MAP3K7: variants seen among roughly 807,000 people sequenced by gnomAD.
MAP3K7 encodes TGF-beta activated kinase 1.
Under a neutral mutation model 84.8 loss-of-function variants are expected in MAP3K7, and 21 were observed. The observed-to-expected ratio is 0.25, with a 90% CI of 0.18 to 0.36. MAP3K7 has a LOEUF of 0.36. Among genes scored for constraint, MAP3K7 ranks in the 10% least tolerant of loss-of-function variants. The probability of loss-of-function intolerance (pLI) is 1.00; values close to 1 mark genes in which losing one functional copy is unlikely to be tolerated. For missense variants in MAP3K7, 503 were observed against 747.7 expected, an observed-to-expected ratio of 0.67 and a Z score of 3.82; for synonymous variants, 241 against 247.7, an observed-to-expected ratio of 0.97 and a Z score of 0.25.
intron 1 of MAP3K7, among the ~76,000 whole-genome samples, chr6:90,582,795 T>C (rs967594206): frequency 2.0e-5 from 3 of 152,158 alleles, no homozygotes; most frequent in African/African-American, 4.8e-5. Flanking sequence ...TTGTGGTCTA[T>C]AGTTAACTGT....
chr6:90,530,114 C>T (rs1399809510), intron 13 of MAP3K7, among the ~76,000 whole-genome samples: 2 of 152,156 alleles, frequency 1.3e-5, no homozygotes, highest in Non-Finnish European at 2.9e-5. Context: ...AAAGCAAGTA[C>T]ACAAATATGC....
intron 13 of MAP3K7, among the ~76,000 whole-genome samples, chr6:90,532,039 A>C (rs976075937): frequency 6.6e-6 from 1 of 152,178 alleles, no homozygotes; most frequent in Non-Finnish European, 1.5e-5. Flanking sequence ...AAACTATTAC[A>C]TAAGTTTCTG....
chr6:90,562,804 C>G (rs1266211987), intron 3 of MAP3K7, among the ~76,000 whole-genome samples: 2 of 152,178 alleles, frequency 1.3e-5, no homozygotes, highest in African/African-American at 2.4e-5. Context: ...CCTGAGTAGC[C>G]TAACTGGGAG....
chr6:90,542,241 A>G (rs1345135167), intron 12 of MAP3K7: 1 of 984,018 alleles, frequency 1.0e-6, no homozygotes, highest in Non-Finnish European at 1.2e-6. Context: ...TTTAATTTAA[A>G]AACATTACCT....
At chr6:90,585,944 G>C (rs1479896457) in intron 1 of MAP3K7, among the ~76,000 whole-genome samples, 1 of 152,204 alleles carries the variant, frequency 6.6e-6, no homozygotes, top group African/African-American at 2.4e-5. Flanking sequence ...CGGAGAAATT[G>C]AGAACCATTC....
chr6:90,579,194 G>A (rs962707935), intron 1 of MAP3K7, among the ~76,000 whole-genome samples: 2 of 152,158 alleles, frequency 1.3e-5, no homozygotes, highest in African/African-American at 4.8e-5. Flanking sequence ...CTTTTCAAAA[G>A]ATTATATTCG....
chr6:90,559,927 G>A (rs1368385875), intron 5 of MAP3K7, 149 bp downstream of exon 5: 4 of 740,410 alleles, frequency 5.4e-6, no homozygotes, highest in African/African-American at 1.8e-5. Context: ...AATGATGAAG[G>A]TGAGTTAAAA....
chr6:90,518,099 T>A (rs1195072462), intron 16 of MAP3K7, among the ~76,000 whole-genome samples: 2 of 151,832 alleles, frequency 1.3e-5, no homozygotes, highest in African/African-American at 4.8e-5. Flanking sequence ...GGAAAAAATG[T>A]ATCTACAAAA....
intron 5 of MAP3K7, 27 bp downstream of exon 5, chr6:90,560,049 G>A (rs766951747): frequency 1.2e-6 from 2 of 1,613,970 alleles, no homozygotes; most frequent in East Asian, 2.2e-5. Context: ...GGAAGAGGCT[G>A]AGGGGTGTCA....
In MAP3K7 at chr6:90,516,925, GTAAAA is replaced by G. The variant is rs1774984109; in HGVS notation, c.1641-249_1641-245del. On this transcript the variant is annotated intron_variant, in intron 16 of 16. Coordinates refer to ENST00000369329, the MANE Select transcript of MAP3K7 (RefSeq NM_145331.3). ...GATAATTAGCGAAGCAGATAAAATG[GTAAAA>G]TAAAAGTTTCAGAAAATTTCATTTT... Among the ~76,000 whole-genome samples, 3 of 151,846 alleles carry G rather than the reference GTAAAA, an allele frequency of 2.0e-5. No individual in the cohort carries two copies. The South Asian group carries it at 6.2e-4, about 31-fold the overall frequency.
At chr6:90,575,467 A>G (rs1213925749) in intron 1 of MAP3K7, among the ~76,000 whole-genome samples, 3 of 152,146 alleles carry the variant, frequency 2.0e-5, no homozygotes, top group African/African-American at 7.2e-5. Context: ...AGAAGCTTCA[A>G]AGGAGTAAGG....
chr6:90,550,059 T>C (rs1177442718), intron 9 of MAP3K7, among the ~76,000 whole-genome samples: 1 of 152,148 alleles, frequency 6.6e-6, no homozygotes, highest in African/African-American at 2.4e-5. Flanking sequence ...ACTTTTAACA[T>C]AGCTTCTTAA....
chr6:90,586,087 G>C (rs1375065377), intron 1 of MAP3K7, among the ~76,000 whole-genome samples: 1 of 152,140 alleles, frequency 6.6e-6, no homozygotes, highest in Non-Finnish European at 1.5e-5. Flanking sequence ...AGAACATTAC[G>C]TCCGGCCGGG....
intron 15 of MAP3K7, 46 bp from the exon 16 acceptor site, chr6:90,518,608 A>C (rs370058612): frequency 1.7e-5 from 16 of 953,860 alleles, no homozygotes; most frequent in Non-Finnish European, 2.7e-5. Flanking sequence ...TCAAATTTCA[A>C]TATCTAGCTA....
intron 13 of MAP3K7, among the ~76,000 whole-genome samples, chr6:90,528,261 T>A (rs923288445): frequency 6.6e-6 from 1 of 151,954 alleles, no homozygotes; most frequent in Non-Finnish European, 1.5e-5. Context: ...GAACATGGAG[T>A]TATAGAAAAT....
chr6:90,557,234 G>T (rs1246051821), intron 5 of MAP3K7, among the ~76,000 whole-genome samples: 1 of 152,110 alleles, frequency 6.6e-6, no homozygotes, highest in Non-Finnish European at 1.5e-5. Context: ...TTTCCTAGGT[G>T]TACTATTACC....
chr6:90,520,419 G>C (rs975324197), intron 14 of MAP3K7, among the ~76,000 whole-genome samples: 2 of 151,608 alleles, frequency 1.3e-5, no homozygotes, highest in Non-Finnish European at 2.9e-5. Context: ...TAAAGCCACT[G>C]AGAACGTGCT....
rs1774921930 is a variant in MAP3K7 at position 90,515,253 on chromosome 6, G to A, written c.*1248C>T. The A allele has an allele frequency of 6.6e-6, 1 of 151,894 alleles. No individual in the cohort carries two copies. Among genetic ancestry groups the A allele is most frequent in the Admixed American group, 6.6e-5 (1 of 15,218 alleles). The allele number at this position is 151,894 out of a possible 1,614,324, so 9.4% of individuals were successfully genotyped here. A position where few individuals can be genotyped will look rare whatever the true frequency, so the allele number is the denominator to read the frequency against. ...AGACATCTTGTACTGGTATCAAAAT[G>A]TGACTTATTTTAACACCAACTGAAA... On this transcript the variant is annotated 3_prime_UTR_variant, in exon 17 of 17. Coordinates refer to ENST00000369329, the MANE Select transcript of MAP3K7 (RefSeq NM_145331.3).
rs781293668 is a variant in MAP3K7, at chr6:90,516,603, CTTT to C, written c.1716_1718del (p.Lys573del). 6.2e-7 allele frequency: 1 copy of C among 1,612,512 alleles called. No homozygotes were observed. The highest frequency in any genetic ancestry group is 1.7e-5 in the Admixed American group (1 of 59,810). On this transcript the variant is annotated inframe_deletion, in exon 17 of 17. Coordinates refer to ENST00000369329, the MANE Select transcript of MAP3K7 (RefSeq NM_145331.3). Reference sequence around the variant, plus strand: ...AAAGGCTTTTGTTTTCATCTAAAAGCTTTTTATGTTCCTGTACCAGGCGAGATG... The same window carrying C: ...AAAGGCTTTTGTTTTCATCTAAAAGCTTATGTTCCTGTACCAGGCGAGATG...
Sources: gnomAD v4.1 joint callset for allele counts (sites outside exome capture counted in the v4.1 genomes callset) on GRCh38, gnomAD v4.1.1 for gene constraint, MANE v1.5 for transcripts, NCBI Gene and HGNC (gene_info 2026-07-23, HGNC 2026-07-21) for gene names.